Variants in DOCK3 observed in about 807,000 individuals in gnomAD.
The protein encoded by DOCK3 is dedicator of cytokinesis 3.
Under a neutral mutation model 265.6 loss-of-function variants are expected in DOCK3, and 60 were observed. The observed-to-expected ratio is 0.23, with a 90% CI of 0.18 to 0.28. The LOEUF (loss-of-function observed/expected upper bound fraction) is 0.28, where lower values mean the gene tolerates loss of function less well. Ranked by LOEUF, DOCK3 falls within the 10% of genes least tolerant of loss-of-function variation. The pLI is 1.00. For missense variants in DOCK3, 1,981 were observed against 2,594.3 expected (o/e 0.76, Z 5.14); for synonymous variants, 881 against 938.0 (o/e 0.94, Z 1.11).
intron 7 of DOCK3, among the ~76,000 whole-genome samples, chr3:51,085,570 C>T (rs1405892370): frequency 1.3e-5 from 2 of 152,028 alleles, no homozygotes; most frequent in East Asian, 1.9e-4. Context: ...CCTGAATAAG[C>T]AATGAGTGAA....
At chr3:51,122,115 A>G (rs1333357975) in intron 9 of DOCK3, among the ~76,000 whole-genome samples, 2 of 152,198 alleles carry the variant, frequency 1.3e-5, no homozygotes, top group East Asian at 3.8e-4. Flanking sequence ...CCAGAATGTT[A>G]CATCCCTGGT....
At chr3:51,114,724 T>C (rs2083660123) in intron 9 of DOCK3, among the ~76,000 whole-genome samples, 1 of 152,170 alleles carries the variant, frequency 6.6e-6, no homozygotes, top group African/African-American at 2.4e-5. Flanking sequence ...TACATAGGTA[T>C]ACATGTGCCA....
At chr3:51,194,641 T>G (rs1017753003) in intron 12 of DOCK3, among the ~76,000 whole-genome samples, 1 of 152,114 alleles carries the variant, frequency 6.6e-6, no homozygotes, top group African/African-American at 2.4e-5. Context: ...ATTGATCCCT[T>G]TATCATTATA....
At chr3:50,869,414 C>G (rs1438860179) in intron 3 of DOCK3, among the ~76,000 whole-genome samples, 2 of 96,070 alleles carry the variant, frequency 2.1e-5, no homozygotes, top group African/African-American at 4.1e-5. Context: ...CAGTGTCACT[C>G]AGGCTGGAGT....
intron 3 of DOCK3, among the ~76,000 whole-genome samples, chr3:50,880,236 G>A (rs2047950615): frequency 6.6e-6 from 1 of 152,116 alleles, no homozygotes; most frequent in African/African-American, 2.4e-5. Flanking sequence ...AGAAGCAAGA[G>A]CAAACACATT....
intron 4 of DOCK3, among the ~76,000 whole-genome samples, chr3:50,925,568 G>C (rs991228098): frequency 6.6e-6 from 1 of 151,724 alleles, no homozygotes; most frequent in African/African-American, 2.4e-5. Flanking sequence ...AAAAAAAAAA[G>C]TTTTATTTAG....
chr3:50,808,907 G>A (rs763912788), intron 2 of DOCK3, among the ~76,000 whole-genome samples: 11 of 152,234 alleles, frequency 7.2e-5, no homozygotes, highest in South Asian at 2.1e-4. Flanking sequence ...GACCAATACC[G>A]AAAGCAATGA....
intron 3 of DOCK3, among the ~76,000 whole-genome samples, chr3:50,855,581 T>A (rs1380534608): frequency 6.6e-6 from 1 of 152,194 alleles, no homozygotes; most frequent in East Asian, 1.9e-4. Context: ...TTAGAATATT[T>A]TAGGGATAGG....
At chr3:51,165,173 G>T (rs558236669) in intron 12 of DOCK3, among the ~76,000 whole-genome samples, 1 of 152,078 alleles carries the variant, frequency 6.6e-6, no homozygotes, top group Non-Finnish European at 1.5e-5. Context: ...TCCTAACCTC[G>T]TACTCAGCCT....
At chr3:50,833,156 T>G (rs1184627037) in intron 2 of DOCK3, among the ~76,000 whole-genome samples, 2 of 152,178 alleles carry the variant, frequency 1.3e-5, no homozygotes, top group Non-Finnish European at 2.9e-5. Context: ...TTTGCATTAC[T>G]CATCCCTCTG....
At chr3:51,239,199 TTTTATTTATTTA>T (rs4028194) in intron 21 of DOCK3, among the ~76,000 whole-genome samples, 4 of 146,616 alleles carry the variant, frequency 2.7e-5, no homozygotes, top group Non-Finnish European at 6.0e-5. Context: ...AAAGCGTACT[TTTTATTTATTTA>T]TTTATTTATT....
intron 3 of DOCK3, among the ~76,000 whole-genome samples, chr3:50,847,672 C>T (rs909337337): frequency 6.6e-6 from 1 of 151,764 alleles, no homozygotes; most frequent in South Asian, 2.1e-4. Context: ...TCATTTGTGG[C>T]CAGGAGTTCA....
intron 5 of DOCK3, among the ~76,000 whole-genome samples, chr3:51,043,724 C>G (rs1333018373): frequency 6.7e-6 from 1 of 150,162 alleles, no homozygotes; most frequent in African/African-American, 2.5e-5. Flanking sequence ...GGAACTTACA[C>G]AAATTTACAA....
intron 12 of DOCK3, among the ~76,000 whole-genome samples, chr3:51,194,288 T>C (rs1172879135): frequency 6.6e-6 from 1 of 152,212 alleles, no homozygotes; most frequent in East Asian, 1.9e-4. Context: ...ATTTTGATTT[T>C]TTTAAGTGAG....
chr3:51,274,973 G>T, intron 24 of DOCK3, 106 bp from the exon 25 acceptor site: 1 of 1,443,804 alleles, frequency 6.9e-7, no homozygotes, highest in Non-Finnish European at 9.7e-7. Context: ...GCTCTAGTCT[G>T]AACCCCACCT....
intron 1 of DOCK3, among the ~76,000 whole-genome samples, chr3:50,727,016 A>G (rs1052310534): frequency 2.0e-5 from 3 of 152,178 alleles, no homozygotes; most frequent in Non-Finnish European, 4.4e-5. Flanking sequence ...AACCATGGGC[A>G]TAGAACTAAG....
intron 4 of DOCK3, chr3:50,901,682 C>T: frequency 2.2e-6 from 1 of 454,108 alleles, no homozygotes; most frequent in Non-Finnish European, 4.4e-6. Flanking sequence ...GTGCACTGTT[C>T]CTCAAGGCAC....
intron 1 of DOCK3, among the ~76,000 whole-genome samples, chr3:50,693,689 C>T (rs1282508356): frequency 1.3e-5 from 2 of 151,802 alleles, no homozygotes; most frequent in South Asian, 2.1e-4. Flanking sequence ...GCACCTGCCA[C>T]CACACCTGGC....
At chr3:50,926,728 G>A (rs1057514003) in intron 4 of DOCK3, among the ~76,000 whole-genome samples, 1 of 152,092 alleles carries the variant, frequency 6.6e-6, no homozygotes, top group African/African-American at 2.4e-5. Context: ...GGGTGGAGTT[G>A]GTACAGCATT....
Sources: gnomAD v4.1 joint callset for allele counts (sites outside exome capture counted in the v4.1 genomes callset) on GRCh38, gnomAD v4.1.1 for gene constraint, MANE v1.5 for transcripts, NCBI Gene and HGNC (gene_info 2026-07-23, HGNC 2026-07-21) for gene names.